Variants in TYRO3 observed in about 807,000 individuals in gnomAD.
TYRO3 encodes TYRO3 protein tyrosine kinase.
A neutral mutation model predicts 95.2 loss-of-function variants in TYRO3; 38 were observed. The ratio of observed to expected loss-of-function variants is 0.40; its 90% CI spans 0.31 to 0.52. The LOEUF is 0.52. Ranked by LOEUF, TYRO3 falls within the 20% of genes least tolerant of loss-of-function variation. The probability of loss-of-function intolerance (pLI) is 0.56; values close to 1 mark genes in which losing one functional copy is unlikely to be tolerated. For missense variants in TYRO3, 812 were observed against 1,116.4 expected (o/e 0.73, Z 3.89); for synonymous variants, 367 against 432.9 (o/e 0.85, Z 1.89).
rs1199491914 is a variant in TYRO3 at position 41,568,889 on chromosome 15, A to G, written c.1119A>G (p.Thr373=). Residue 373 remains threonine, a synonymous_variant, in exon 9 of 19, where the codon ACA becomes ACG. Transcript: ENST00000263798. ...TTTCCTGGCTGCAGGATGAGCTGAC[A>G]GTGGAGGGGACCAGGGCCAATTTGA... is the stretch of plus-strand genomic sequence containing the variant. The part of the protein sequence containing the change: ...VQDNGTQDEL[T]VEGTRANLTG... The G allele has an allele frequency of 3.7e-6, 6 of 1,611,980 alleles. No homozygotes were observed. Among genetic ancestry groups the G allele is most frequent in the African/African-American group, 1.3e-5 (1 of 74,830 alleles).
intron 1 of TYRO3, among the ~76,000 whole-genome samples, chr15:41,560,430 C>T (rs11070338): frequency 0.58 from 63,721 of 109,260 alleles, 16,334 homozygotes; most frequent in Middle Eastern, 0.69. Context: ...TGTGTGTGTG[C>T]GCGCGCGCGC....
At chr15:41,570,549 G>T (rs2055782409) in intron 11 of TYRO3, 55 bp from the exon 12 acceptor site, 1 of 1,436,552 alleles carries the variant, frequency 7.0e-7, no homozygotes, top group Non-Finnish European at 9.5e-7. Flanking sequence ...ATAAGAGGCT[G>T]GGTTTTGGCT....
chr15:41,568,070 A>G, intron 7 of TYRO3, 147 bp from the exon 8 acceptor site: 1 of 1,047,068 alleles, frequency 9.6e-7, no homozygotes, highest in East Asian at 2.4e-5. Context: ...ACAGTGGGTG[A>G]GAGCAGTCAG....
chr15:41,561,487 C>T, intron 2 of TYRO3, 52 bp from the exon 3 acceptor site: 1 of 1,366,688 alleles, frequency 7.3e-7, no homozygotes. Context: ...GTTTGCCCAG[C>T]AGAGCTGCCG....
chr15:41,580,657 GTCTC>G lies in TYRO3; in HGVS notation c.*2387_*2390del, dbSNP rs1001094158. On this transcript the variant is annotated 3_prime_UTR_variant, in exon 19 of 19. Transcript: ENST00000263798. ...TTTTTTTTTTGAGACGGAGTCTCGA[GTCTC>G]TCTCTGTCGCCCAGGCTAGAGTGCA... 8.0e-5 allele frequency: 12 copies of G among 149,426 alleles called. No individual in the cohort carries two copies. The highest frequency in any genetic ancestry group is 2.7e-4 in the Admixed American group (4 of 15,008). 9.3% of individuals were successfully genotyped at this position (149,426 alleles called of 1,614,324 possible).
chr15:41,573,435 G>A lies in TYRO3; in HGVS notation c.2113G>A (p.Ala705Thr). Reference sequence around the variant, plus strand: ...CAAGTGGCTGGCCCTGGAGAGCCTGGCCGACAACCTGTATACTGTGCAGAG... The same window carrying A: ...CAAGTGGCTGGCCCTGGAGAGCCTGACCGACAACCTGTATACTGTGCAGAG... ...PVKWLALESL[A>T]DNLYTVQSDV... is the part of the protein sequence containing the mutation. The change falls in exon 17 of 19, where the codon GCC becomes ACC. Residue 705 changes from alanine (A) to threonine (T), a missense_variant. Ala to Thr is a moderately conservative substitution (Grantham distance 58, BLOSUM62 0). Transcript: ENST00000263798. The A allele has an allele frequency of 6.2e-7, 1 of 1,614,248 alleles. No individual in the cohort carries two copies. The highest frequency in any genetic ancestry group is 8.5e-7 in the Non-Finnish European group (1 of 1,180,044).
chr15:41,572,366 C>G (rs929800159), intron 14 of TYRO3, 77 bp from the exon 15 acceptor site: 3 of 1,523,236 alleles, frequency 2.0e-6, no homozygotes, highest in Non-Finnish European at 2.7e-6. Flanking sequence ...TGGGACCCAG[C>G]AGGTGGGGAC....
At chr15:41,570,189 G>A (rs748914673) in intron 10 of TYRO3, 33 bp downstream of exon 10, 9 of 988,848 alleles carry the variant, frequency 9.1e-6, no homozygotes, top group Non-Finnish European at 1.4e-5. Flanking sequence ...GGAGAGGCAG[G>A]TAATGATGAA....
chr15:41,574,860 C>T (rs576940595), intron 18 of TYRO3: 9 of 403,144 alleles, frequency 2.2e-5, no homozygotes, highest in South Asian at 9.1e-5. Flanking sequence ...GCTGGGACTA[C>T]AGGCACGTGC....
intron 17 of TYRO3, 21 bp from the exon 18 acceptor site, chr15:41,573,658 C>T: frequency 7.4e-7 from 1 of 1,355,610 alleles, no homozygotes; most frequent in Non-Finnish European, 1.0e-6. Flanking sequence ...AGCTTCTCCC[C>T]CAACCTCGAT....
At chr15:41,560,303 A>G (rs2055630229) in intron 1 of TYRO3, among the ~76,000 whole-genome samples, 1 of 152,066 alleles carries the variant, frequency 6.6e-6, no homozygotes, top group Non-Finnish European at 1.5e-5. Flanking sequence ...AAGGGTGAGA[A>G]GAAGCAGGGC....
Position 41,580,498 on chromosome 15 carries a change from AAAAAT to A in TYRO3, c.*2232_*2236del, listed in dbSNP as rs949730739. The A allele has an allele frequency of 7.2e-5, 11 of 152,282 alleles. No individual in the cohort carries two copies. The highest frequency in any genetic ancestry group is 7.3e-5 in the Non-Finnish European group (5 of 68,030). The allele number at this position is 152,282 out of a possible 1,614,324, so 9.4% of individuals were successfully genotyped here. A position where few individuals can be genotyped will look rare whatever the true frequency, so the allele number is the denominator to read the frequency against. Reference sequence around the variant, plus strand: ...TAGGTGACAGGCGAGACTCCATCTCAAAAATAAAATAAAAATAAAAATGCAAAAAA... The same window carrying A: ...TAGGTGACAGGCGAGACTCCATCTCAAAAATAAAAATAAAAATGCAAAAAA... On this transcript the variant is annotated 3_prime_UTR_variant, in exon 19 of 19. Coordinates refer to ENST00000263798, the MANE Select transcript of TYRO3 (RefSeq NM_006293.4).
At chr15:41,563,574 T>C (rs1290927998) in intron 4 of TYRO3, among the ~76,000 whole-genome samples, 1 of 152,116 alleles carries the variant, frequency 6.6e-6, no homozygotes, top group African/African-American at 2.4e-5. Flanking sequence ...GTTCACTTCC[T>C]TCCAGGTGTG....
At chr15:41,570,385 G>A (rs1225656875) in intron 11 of TYRO3, 45 bp downstream of exon 11, 1 of 1,581,896 alleles carries the variant, frequency 6.3e-7, no homozygotes. Context: ...GCTGTCTTGT[G>A]CCCCATCTGC....
intron 1 of TYRO3, among the ~76,000 whole-genome samples, chr15:41,560,428 TGCGCGCGCGC>T (rs150653270): frequency 1.5e-4 from 20 of 135,314 alleles, no homozygotes; most frequent in South Asian, 4.7e-4. Flanking sequence ...TGTGTGTGTG[TGCGCGCGCGC>T]GCGCGCGCTC....
intron 14 of TYRO3, among the ~76,000 whole-genome samples, chr15:41,571,984 C>T (rs1775254914): frequency 6.8e-6 from 1 of 148,104 alleles, no homozygotes; most frequent in Non-Finnish European, 1.5e-5. Flanking sequence ...ATAGCAACAG[C>T]CCACCTCTAT....
In TYRO3 at chr15:41,559,340, C is replaced by G. The variant is rs971330621; in HGVS notation, c.83C>G (p.Ala28Gly). The G allele has an allele frequency of 9.0e-5, 32 of 355,754 alleles. No homozygotes were observed. Among genetic ancestry groups the G allele is most frequent in the African/African-American group, 6.0e-4 (28 of 46,582 alleles). 22.0% of individuals were successfully genotyped at this position (355,754 alleles called of 1,614,324 possible). The change falls in exon 1 of 19, where the codon GCG becomes GGG. Residue 28 changes from alanine to glycine, a missense_variant. Transcript: ENST00000263798. ...CCACCGCGGCTCGGGCTGCTGCTGGCGGCTCTGGCTTCTCTGCTGCTCCCG... is the reference window on the plus strand; with the variant it reads ...CCACCGCGGCTCGGGCTGCTGCTGGGGGCTCTGGCTTCTCTGCTGCTCCCG... ...PPPPRLGLLL[A>G]ALASLLLPES...
Position 41,565,078 on chromosome 15 carries a change from C to G in TYRO3, c.720C>G (p.Asn240Lys). 6.2e-7 allele frequency: 1 copy of G among 1,613,358 alleles called. No individual in the cohort carries two copies. Reference sequence around the variant, plus strand: ...CCGTGACAAAGCTTTCCAGCAGCAACGCTAGTGTGGCCTGGATGCCAGGTG... The same window carrying G: ...CCGTGACAAAGCTTTCCAGCAGCAAGGCTAGTGTGGCCTGGATGCCAGGTG... ...NITVTKLSSSNASVAWMPGAD... is the reference protein window; with the variant it reads ...NITVTKLSSSKASVAWMPGAD... Residue 240 changes from asparagine (N) to lysine (K), a missense_variant, in exon 6 of 19, where the codon AAC (asparagine) becomes AAG (lysine). By Grantham distance (94) the Asn-to-Lys change is moderately conservative. Coordinates refer to ENST00000263798, the MANE Select transcript of TYRO3 (RefSeq NM_006293.4).
Position 41,572,450 on chromosome 15 carries a change from C to T in TYRO3, c.1761C>T (p.Ser587=). The T allele has an allele frequency of 6.2e-7, 1 of 1,614,148 alleles. No individual in the cohort carries two copies. The highest frequency in any genetic ancestry group is 8.5e-7 in the Non-Finnish European group (1 of 1,180,002). The change falls in exon 15 of 19, where the codon AGC becomes AGT. Residue 587 remains serine, a synonymous_variant. Coordinates refer to ENST00000263798, the MANE Select transcript of TYRO3 (RefSeq NM_006293.4). ...GACTCTCCCTTGTCCCAGGGGTAAG[C>T]CTCCGGAGCAGGGCTAAAGGCCGTC... ...HPHVAKLVGV[S]LRSRAKGRLP... is the part of the protein sequence containing the mutation.
Sources: allele counts gnomAD v4.1 joint callset (sites outside exome capture counted in the v4.1 genomes callset), GRCh38; gene constraint gnomAD v4.1.1; transcripts MANE v1.5; gene names NCBI Gene and HGNC (gene_info 2026-07-23, HGNC 2026-07-21).